DYNC2H1: variants seen among roughly 807,000 people sequenced by gnomAD.
DYNC2H1 encodes the protein cytoplasmic dynein 2 heavy chain 1.
DYNC2H1 carries 410 observed loss-of-function variants against 570.0 expected under a neutral mutation model. The ratio of observed to expected loss-of-function variants is 0.72; its 90% CI spans 0.66 to 0.78. The LOEUF is 0.78. DYNC2H1 is among the 30% of genes least tolerant of loss of function. The probability of loss-of-function intolerance (pLI) is 0.00; values close to 1 mark genes in which losing one functional copy is unlikely to be tolerated. For missense variants in DYNC2H1, 4,865 were observed against 5,046.4 expected (o/e 0.96, Z 1.09); for synonymous variants, 1,688 against 1,677.6 (o/e 1.01, Z -0.15).
chr11:103,210,960 A>G (rs1271999695), intron 53 of DYNC2H1, among the ~76,000 whole-genome samples: 2 of 152,082 alleles, frequency 1.3e-5, no homozygotes, highest in Non-Finnish European at 2.9e-5. Flanking sequence ...AGAAACAAAT[A>G]TCTTTATATA....
intron 85 of DYNC2H1, among the ~76,000 whole-genome samples, chr11:103,441,092 A>T (rs927472444): frequency 6.6e-6 from 1 of 152,090 alleles, no homozygotes. Context: ...AAGTTTCTTT[A>T]AGGTGAAGCC....
chr11:103,250,001 G>A (rs1157159395), intron 65 of DYNC2H1, among the ~76,000 whole-genome samples: 1 of 151,984 alleles, frequency 6.6e-6, no homozygotes. Context: ...TAAGTCCTTT[G>A]TACTGACATA....
intron 32 of DYNC2H1, among the ~76,000 whole-genome samples, chr11:103,169,205 T>TG (rs1435359759): frequency 6.6e-6 from 1 of 152,140 alleles, no homozygotes; most frequent in African/African-American, 2.4e-5. Flanking sequence ...TACCTTTTCT[T>TG]GGAGTTGCAT....
chr11:103,423,038 G>A (rs1305987716), intron 84 of DYNC2H1, among the ~76,000 whole-genome samples: 1 of 143,444 alleles, frequency 7.0e-6, no homozygotes, highest in Non-Finnish European at 1.5e-5. Flanking sequence ...AAATGCAAAG[G>A]GTCTACTGTA....
At chr11:103,112,785 A>T (rs913565681) in intron 1 of DYNC2H1, among the ~76,000 whole-genome samples, 4 of 152,198 alleles carry the variant, frequency 2.6e-5, no homozygotes, top group Non-Finnish European at 4.4e-5. Flanking sequence ...GAAAAAAGAA[A>T]TGAGAATAAC....
At chr11:103,477,078 A>G (rs61904827) in intron 88 of DYNC2H1, among the ~76,000 whole-genome samples, 24,816 of 152,094 alleles carry the variant, frequency 0.16, 2,185 homozygotes, top group Admixed American at 0.25. Context: ...TTGTCTTTCT[A>G]TAATAGTGAA....
At chr11:103,208,649 C>A (rs1467994255) in intron 52 of DYNC2H1, among the ~76,000 whole-genome samples, 1 of 151,914 alleles carries the variant, frequency 6.6e-6, no homozygotes, top group Non-Finnish European at 1.5e-5. Context: ...ATTTAATAAG[C>A]AACTAGAAGC....
intron 88 of DYNC2H1, among the ~76,000 whole-genome samples, chr11:103,473,273 A>T (rs1432009536): frequency 6.8e-6 from 1 of 147,690 alleles, no homozygotes; most frequent in African/African-American, 2.5e-5. Context: ...CTATTTATTC[A>T]TTCATGAAAC....
At chr11:103,198,140 A>T (rs1862574363) in intron 48 of DYNC2H1, 77 bp downstream of exon 48, 1 of 1,455,496 alleles carries the variant, frequency 6.9e-7, no homozygotes, top group Non-Finnish European at 9.3e-7. Flanking sequence ...AAATATTTAG[A>T]GGGCATGAAT....
intron 21 of DYNC2H1, among the ~76,000 whole-genome samples, chr11:103,152,665 C>T (rs575182300): frequency 8.0e-4 from 122 of 152,292 alleles, no homozygotes; most frequent in Non-Finnish European, 1.5e-3. Flanking sequence ...GTTTCTGTCT[C>T]ACATTAGACT....
chr11:103,451,499 A>C (rs372751143), intron 85 of DYNC2H1, among the ~76,000 whole-genome samples: 5 of 151,742 alleles, frequency 3.3e-5, no homozygotes, highest in Non-Finnish European at 7.4e-5. Flanking sequence ...CGCCTGGCTA[A>C]TTTTTGTATT....
chr11:103,242,088 T>C (rs1204066207), intron 63 of DYNC2H1, among the ~76,000 whole-genome samples: 2 of 152,034 alleles, frequency 1.3e-5, no homozygotes, highest in Non-Finnish European at 2.9e-5. Context: ...AGACCCTCAG[T>C]GGATGCCTGA....
At position 103,261,885 on chromosome 11, in the gene DYNC2H1, G is replaced by T. The variant is rs978794253; in HGVS notation, c.10695+1908G>T. Among the ~76,000 whole-genome samples the T allele has an allele frequency of 1.3e-5, 2 of 152,106 alleles. No individual in the cohort carries two copies. Among genetic ancestry groups the T allele is most frequent in the Admixed American group, 1.3e-4 (2 of 15,278 alleles). On this transcript the variant is annotated intron_variant, in intron 70 of 88. Transcript: ENST00000375735. This position sits in a 1 kb window ranked among gnomAD's most constrained non-coding sequence, Gnocchi z 4.8. ...GACAGAAGTAGGCTTCAGAAGGTGGGTAATAACAGACTCCTCCAAGCTAAA... is the reference window on the plus strand; with the variant it reads ...GACAGAAGTAGGCTTCAGAAGGTGGTTAATAACAGACTCCTCCAAGCTAAA...
At chr11:103,450,527 C>A (rs1944564026) in intron 85 of DYNC2H1, among the ~76,000 whole-genome samples, 1 of 151,724 alleles carries the variant, frequency 6.6e-6, no homozygotes, top group Non-Finnish European at 1.5e-5. Flanking sequence ...AAACCGGTAA[C>A]AAAGATTTAT....
At chr11:103,115,149 C>T in intron 3 of DYNC2H1, 28 bp from the exon 4 acceptor site, 1 of 1,526,530 alleles carries the variant, frequency 6.6e-7, no homozygotes, top group Non-Finnish European at 9.0e-7. Flanking sequence ...TATTCTATGC[C>T]ATTTTTTTCC....
At chr11:103,155,305 CTT>C in intron 24 of DYNC2H1, 24 bp from the exon 25 acceptor site, 1 of 1,490,192 alleles carries the variant, frequency 6.7e-7, no homozygotes, top group South Asian at 1.2e-5. Context: ...ATACATATGA[CTT>C]TTTCTTTTTT....
chr11:103,379,823 A>G (rs1413080314), intron 83 of DYNC2H1, among the ~76,000 whole-genome samples: 1 of 152,202 alleles, frequency 6.6e-6, no homozygotes, highest in East Asian at 1.9e-4. Context: ...AGCATGCTCC[A>G]GAAGCCCTCT....
chr11:103,264,023 A>C lies in DYNC2H1; in HGVS notation c.10695+4046A>C, dbSNP rs61898175. Among the ~76,000 whole-genome samples the C allele has an allele frequency of 0.088, 13,458 of 152,204 alleles. 780 individuals carry two copies. The highest frequency in any genetic ancestry group is 0.12 in the Non-Finnish European group (8,131 of 67,978). Reference sequence around the variant, plus strand: ...TGCAATAAAAAATGATAAAGGGGATATCACCACCGATCCCACAGAAATACA... The same window carrying C: ...TGCAATAAAAAATGATAAAGGGGATCTCACCACCGATCCCACAGAAATACA... On this transcript the variant is annotated intron_variant, in intron 70 of 88. Coordinates refer to ENST00000375735, the MANE Select transcript of DYNC2H1 (RefSeq NM_001377.3). The surrounding 1 kb of genome is among the most constrained non-coding windows in gnomAD (Gnocchi z 4.8).
chr11:103,147,208 A>G (rs886690138), intron 18 of DYNC2H1, among the ~76,000 whole-genome samples: 2 of 152,180 alleles, frequency 1.3e-5, no homozygotes, highest in African/African-American at 4.8e-5. Flanking sequence ...ATTGTTTTAT[A>G]TTCTAACAGT....
Sources: gnomAD v4.1 joint callset for allele counts (sites outside exome capture counted in the v4.1 genomes callset) on GRCh38, gnomAD v4.1.1 for gene constraint, Gnocchi (gnomAD v3.1) non-coding constraint, MANE v1.5 for transcripts, NCBI Gene and HGNC (gene_info 2026-07-23, HGNC 2026-07-21) for gene names.